CWC25: variants seen among roughly 807,000 people sequenced by gnomAD.
CWC25 encodes CWC25 spliceosome associated protein, also known as pre-mRNA-splicing factor CWC25 homolog.
CWC25 carries 31 observed loss-of-function variants against 54.6 expected under a neutral mutation model. That is an observed-to-expected ratio of 0.57 (90% CI 0.43 to 0.77). The LOEUF is 0.77. Ranked by LOEUF, CWC25 falls within the 30% of genes least tolerant of loss-of-function variation. The pLI is 0.00. For synonymous variants in CWC25, 151 were observed against 187.0 expected (o/e 0.81, Z 1.57); for missense variants, 453 against 529.3 (o/e 0.86, Z 1.41).
chr17:38,812,558 C>A (rs551850222), intron 4 of CWC25, among the ~76,000 whole-genome samples: 1 of 152,004 alleles, frequency 6.6e-6, no homozygotes, highest in Non-Finnish European at 1.5e-5. Flanking sequence ...ACCTGGGAGG[C>A]GGAGGTTGCG....
chr17:38,803,008 G>T, intron 8 of CWC25, 147 bp from the exon 9 acceptor site: 1 of 844,540 alleles, frequency 1.2e-6, no homozygotes, highest in South Asian at 1.7e-5. Flanking sequence ...CCCTTCTAAC[G>T]TCCTGGTCAG....
chr17:38,823,585 C>T (rs973117080), intron 1 of CWC25, among the ~76,000 whole-genome samples: 1 of 152,074 alleles, frequency 6.6e-6, no homozygotes, highest in African/African-American at 2.4e-5. Flanking sequence ...ATGAGAGCTC[C>T]CTTTTCTTCC....
chr17:38,802,883 C>T (rs757870118), intron 8 of CWC25, 22 bp from the exon 9 acceptor site: 34 of 1,613,020 alleles, frequency 2.1e-5, no homozygotes, highest in African/African-American at 8.0e-5. Flanking sequence ...AGAAACCATA[C>T]GATCAGGTCT....
chr17:38,816,443 G>A (rs888812064), intron 2 of CWC25, among the ~76,000 whole-genome samples: 1 of 151,778 alleles, frequency 6.6e-6, no homozygotes, highest in African/African-American at 2.4e-5. Flanking sequence ...TAAACAGATG[G>A]GACTTGCTAT....
At chr17:38,803,357 T>C (rs1911103049) in intron 8 of CWC25, among the ~76,000 whole-genome samples, 1 of 152,160 alleles carries the variant, frequency 6.6e-6, no homozygotes, top group Non-Finnish European at 1.5e-5. Flanking sequence ...GGGCCAGGCA[T>C]GGTGGCTCAC....
intron 3 of CWC25, among the ~76,000 whole-genome samples, chr17:38,813,831 A>C (rs2143577724): frequency 6.6e-6 from 1 of 152,094 alleles, no homozygotes; most frequent in Admixed American, 6.5e-5. Context: ...GGTGTGATCC[A>C]CCGTACCCGG....
chr17:38,818,100 A>AC (rs1911775197), intron 2 of CWC25, among the ~76,000 whole-genome samples: 1 of 150,238 alleles, frequency 6.7e-6, no homozygotes, highest in African/African-American at 2.5e-5. Flanking sequence ...ACATGGTGAA[A>AC]CCCCATCTCT....
At chr17:38,823,978 A>AG (rs1912034308) in intron 1 of CWC25, among the ~76,000 whole-genome samples, 1 of 152,190 alleles carries the variant, frequency 6.6e-6, no homozygotes, top group African/African-American at 2.4e-5. Flanking sequence ...CAAGAGCGCT[A>AG]ATGTTGAGAA....
intron 4 of CWC25, 85 bp from the exon 5 acceptor site, chr17:38,810,680 G>C (rs138318505): frequency 1.4e-6 from 1 of 740,564 alleles, no homozygotes; most frequent in South Asian, 1.5e-5. Context: ...AGCACTTTGG[G>C]AGGCTGAGTG....
At chr17:38,820,679 G>A (rs77080896) in intron 2 of CWC25, among the ~76,000 whole-genome samples, 10 of 152,276 alleles carry the variant, frequency 6.6e-5, no homozygotes, top group African/African-American at 1.9e-4. Context: ...TTAAGAAGGC[G>A]TTGGGTATTA....
chr17:38,815,609 G>A, intron 2 of CWC25: 4 of 1,035,616 alleles, frequency 3.9e-6, no homozygotes, highest in Non-Finnish European at 4.0e-6. Context: ...TGAATGGAGA[G>A]AGAATATTCA....
intron 1 of CWC25, among the ~76,000 whole-genome samples, chr17:38,823,950 T>G (rs530916040): frequency 1.4e-4 from 21 of 152,336 alleles, no homozygotes; most frequent in African/African-American, 4.6e-4. Context: ...CCCCAAAGAA[T>G]TATCTAGGCC....
chr17:38,809,833 T>G, intron 5 of CWC25, 68 bp from the exon 6 acceptor site: 1 of 1,380,128 alleles, frequency 7.2e-7, no homozygotes, highest in Non-Finnish European at 1.0e-6. Context: ...AAATATCTTA[T>G]GCTGAACTAT....
At chr17:38,813,228 G>T (rs1911560063) in intron 3 of CWC25, among the ~76,000 whole-genome samples, 1 of 151,938 alleles carries the variant, frequency 6.6e-6, no homozygotes, top group Admixed American at 6.6e-5. Flanking sequence ...TTGGGAGGCT[G>T]GGGCAGGCGG....
chr17:38,821,643 C>T (rs1279171176), intron 1 of CWC25, among the ~76,000 whole-genome samples: 3 of 152,178 alleles, frequency 2.0e-5, no homozygotes, highest in Admixed American at 2.0e-4. Flanking sequence ...ACCTTAAAAG[C>T]ATACAAGTCA....
intron 5 of CWC25, chr17:38,810,174 C>T: frequency 2.2e-6 from 1 of 445,862 alleles, no homozygotes; most frequent in Non-Finnish European, 3.9e-6. Flanking sequence ...TGAGATGAAA[C>T]AGAGTCACCC....
Position 38,802,708 on chromosome 17 carries a change from C to A in CWC25, c.1155G>T (p.Lys385Asn). 1 of 1,613,954 alleles carries A rather than the reference C, an allele frequency of 6.2e-7. No individual in the cohort carries two copies. Among genetic ancestry groups the A allele is most frequent in the Non-Finnish European group, 8.5e-7 (1 of 1,179,850 alleles). The change falls in exon 9 of 10, where the codon AAG becomes AAT. Residue 385 changes from lysine to asparagine, a missense_variant. Lys to Asn is a moderately conservative substitution (Grantham distance 94, BLOSUM62 0). Coordinates refer to ENST00000614790, the MANE Select transcript of CWC25 (RefSeq NM_017748.5). The stretch of plus-strand genomic sequence containing the variant: ...GAAGAAGATGCACTCACTGGATGAA[C>A]TTCCCATCCCGGGAGTCCAGCTTCT... Reference protein sequence around the residue: ...RLEKLDSRDGKFIHRMKLESA... With the variant: ...RLEKLDSRDGNFIHRMKLESA...
rs542983640 is a variant in CWC25 at position 38,807,865 on chromosome 17, T to A, written c.691-889A>T. On this transcript the variant is annotated intron_variant, in intron 6 of 9. Transcript: ENST00000614790. ...CGAGGCCAGGAGATCAAGACCATCC[T>A]AGCTAACATGGTGAAACACTGTCTC... Among the ~76,000 whole-genome samples the A allele has an allele frequency of 1.5e-5, 2 of 136,208 alleles. 1 individual carries two copies. Among genetic ancestry groups the A allele is most frequent in the South Asian group, 4.8e-4 (2 of 4,142 alleles). 89.4% of individuals were successfully genotyped at this position (136,208 alleles called of 152,430 possible). A position where few individuals can be genotyped will look rare whatever the true frequency, so the allele number is the denominator to read the frequency against.
chr17:38,812,206 GA>G (rs750329232), intron 4 of CWC25, among the ~76,000 whole-genome samples: 3 of 151,944 alleles, frequency 2.0e-5, no homozygotes, highest in Non-Finnish European at 4.4e-5. Context: ...CAAAATGCTG[GA>G]ATTACAGGCA....
Sources: allele counts gnomAD v4.1 joint callset (sites outside exome capture counted in the v4.1 genomes callset), GRCh38; gene constraint gnomAD v4.1.1; transcripts MANE v1.5; gene names NCBI Gene and HGNC (gene_info 2026-07-23, HGNC 2026-07-21).